LRRIQ1: variants seen among roughly 807,000 people sequenced by gnomAD.
LRRIQ1 encodes the protein leucine-rich repeat- and IQ domain-containing protein 1.
LRRIQ1 carries 210 observed loss-of-function variants against 211.9 expected under a neutral mutation model. The observed-to-expected ratio is 0.99, with a 90% CI of 0.89 to 1.11. The LOEUF (loss-of-function observed/expected upper bound fraction) is 1.11, where lower values mean the gene tolerates loss of function less well. Ranked by LOEUF, LRRIQ1 falls within the 50% of genes most tolerant of loss-of-function variation. The pLI, the probability that LRRIQ1 is intolerant of heterozygous loss-of-function variation, is 0.00. For synonymous variants in LRRIQ1, 699 were observed against 650.1 expected (o/e 1.08, Z -1.14); for missense variants, 2,136 against 1,939.5 (o/e 1.10, Z -1.90).
intron 15 of LRRIQ1, among the ~76,000 whole-genome samples, chr12:85,110,684 A>C (rs1459629842): frequency 6.6e-6 from 1 of 152,156 alleles, no homozygotes; most frequent in East Asian, 1.9e-4. Flanking sequence ...GCACACTTTT[A>C]GTTAAACCTC....
In LRRIQ1 at chr12:85,047,517, T is replaced by C. The variant is rs773123401; in HGVS notation, c.678+47T>C. 7.6e-6 allele frequency: 11 copies of C among 1,451,008 alleles called. No individual in the cohort carries two copies. The South Asian group carries it at 1.2e-4, about 16-fold the overall frequency. 89.9% of individuals were successfully genotyped at this position (1,451,008 alleles called of 1,614,324 possible). A position where few individuals can be genotyped will look rare whatever the true frequency, so the allele number is the denominator to read the frequency against. ...TGTATTTTTAAAATCAGTAGCTACC[T>C]CTGAAGAATATTGATATTTGGATTG... On this transcript the variant is annotated intron_variant, in intron 6 of 26. Transcript: ENST00000393217.
intron 26 of LRRIQ1, among the ~76,000 whole-genome samples, chr12:85,237,801 C>T (rs759539432): frequency 2.6e-5 from 4 of 152,060 alleles, no homozygotes; most frequent in Admixed American, 6.6e-5. Context: ...TAAAAACTGC[C>T]TCTGTTAGAA....
chr12:85,240,880 G>A (rs1286315079), intron 26 of LRRIQ1, among the ~76,000 whole-genome samples: 1 of 152,026 alleles, frequency 6.6e-6, no homozygotes, highest in African/African-American at 2.4e-5. Context: ...GACTATAAAG[G>A]AGAACAACAG....
intron 25 of LRRIQ1, among the ~76,000 whole-genome samples, chr12:85,230,909 C>A (rs1894904891): frequency 6.6e-6 from 1 of 151,980 alleles, no homozygotes; most frequent in South Asian, 2.1e-4. Flanking sequence ...ATTAGCCGGG[C>A]GCGGTAGGGG....
intron 19 of LRRIQ1, among the ~76,000 whole-genome samples, chr12:85,144,346 A>G (rs1378458378): frequency 2.0e-5 from 3 of 151,574 alleles, no homozygotes; most frequent in Non-Finnish European, 4.4e-5. Flanking sequence ...ATTTTATTTG[A>G]GGTAACAGAC....
chr12:85,157,173 T>A lies in LRRIQ1; in HGVS notation c.4720+3079T>A, dbSNP rs140454476. On this transcript the variant is annotated intron_variant, in intron 23 of 26. Transcript: ENST00000393217. Reference sequence around the variant, plus strand: ...AGAGGGAAGAATATGAGGAAGCTCATTTATGAAGAGGCAACAAACTGAGCG... The same window carrying A: ...AGAGGGAAGAATATGAGGAAGCTCAATTATGAAGAGGCAACAAACTGAGCG... 2.3e-3 allele frequency among the ~76,000 whole-genome samples: 348 copies of A among 151,928 alleles called. 3 individuals carry two copies. Among genetic ancestry groups the A allele is most frequent in the African/African-American group, 7.9e-3 (328 of 41,498 alleles).
chr12:85,177,728 G>A (rs1478119583), intron 24 of LRRIQ1, among the ~76,000 whole-genome samples: 1 of 152,068 alleles, frequency 6.6e-6, no homozygotes, highest in African/African-American at 2.4e-5. Context: ...AGGATTGTAA[G>A]CAAAAGATAA....
At position 85,189,401 on chromosome 12, in the gene LRRIQ1, G is replaced by A. The variant is rs192890416; in HGVS notation, c.4822+28687G>A. Among the ~76,000 whole-genome samples, 75 of 152,072 alleles carry A rather than the reference G, an allele frequency of 4.9e-4. No homozygotes were observed. In the East Asian group the frequency reaches 0.013, roughly 26 times the overall value. ...TGTCTGTATTCTTGCCACAGTATGAGCACTAAGGAAATATTCAAATGGAAA... is the reference window on the plus strand; with the variant it reads ...TGTCTGTATTCTTGCCACAGTATGAACACTAAGGAAATATTCAAATGGAAA... On this transcript the variant is annotated intron_variant, in intron 24 of 26. Coordinates refer to ENST00000393217, the MANE Select transcript of LRRIQ1 (RefSeq NM_001079910.2).
chr12:85,174,114 A>T (rs951105407), intron 24 of LRRIQ1, among the ~76,000 whole-genome samples: 2 of 152,084 alleles, frequency 1.3e-5, no homozygotes, highest in Admixed American at 1.3e-4. Flanking sequence ...AAAAAGTAGC[A>T]AGCATAATAA....
intron 11 of LRRIQ1, among the ~76,000 whole-genome samples, chr12:85,085,520 A>G (rs1163206539): frequency 6.6e-6 from 1 of 152,184 alleles, no homozygotes; most frequent in Non-Finnish European, 1.5e-5. Context: ...GGTTTGTTGT[A>G]TGCATAATCC....
At chr12:85,134,388 T>C (rs766370082) in intron 18 of LRRIQ1, among the ~76,000 whole-genome samples, 2 of 152,094 alleles carry the variant, frequency 1.3e-5, no homozygotes, top group Non-Finnish European at 2.9e-5. Context: ...TAGCATACAG[T>C]TTAGTTCCCT....
At chr12:85,061,155 AACATTT>A (rs1881750610) in intron 8 of LRRIQ1, among the ~76,000 whole-genome samples, 1 of 151,758 alleles carries the variant, frequency 6.6e-6, no homozygotes, top group South Asian at 2.1e-4. Flanking sequence ...TATTTTAAGA[AACATTT>A]ACCCAACACC....
At position 85,056,712 on chromosome 12, in the gene LRRIQ1, A is replaced by G. The variant is rs138000456; in HGVS notation, c.1919A>G (p.Lys640Arg). Residue 640 changes from lysine to arginine, a missense_variant, in exon 8 of 27, where the codon AAA becomes AGA. Coordinates refer to ENST00000393217, the MANE Select transcript of LRRIQ1 (RefSeq NM_001079910.2). ...LQEKEIYSKS[K>R]EIEENPKDNA... Reference sequence around the variant, plus strand: ...GAAAAAGAAATTTATTCAAAATCCAAAGAAATTGAGGAGAACCCAAAAGAC... The same window carrying G: ...GAAAAAGAAATTTATTCAAAATCCAGAGAAATTGAGGAGAACCCAAAAGAC... 7.5e-6 allele frequency: 12 copies of G among 1,607,508 alleles called. No individual in the cohort carries two copies. Among genetic ancestry groups the G allele is most frequent in the African/African-American group, 2.7e-5 (2 of 74,414 alleles).
chr12:85,066,948 T>A, intron 10 of LRRIQ1, 50 bp downstream of exon 10: 1 of 1,074,598 alleles, frequency 9.3e-7, no homozygotes, highest in African/African-American at 1.7e-5. Context: ...TCATAATTTA[T>A]TGTGTTTTAT....
At chr12:85,180,742 G>T (rs1891940217) in intron 24 of LRRIQ1, among the ~76,000 whole-genome samples, 2 of 151,762 alleles carry the variant, frequency 1.3e-5, no homozygotes, top group African/African-American at 4.8e-5. Context: ...ATTGAACTTG[G>T]CTATTGCTAT....
chr12:85,077,676 C>G (rs1446958032), intron 11 of LRRIQ1, among the ~76,000 whole-genome samples: 3 of 151,964 alleles, frequency 2.0e-5, no homozygotes, highest in Admixed American at 1.3e-4. Context: ...GGCATGGTGG[C>G]TTACACCTGT....
At chr12:85,192,977 ATATATAAT>A (rs1453229998) in intron 24 of LRRIQ1, among the ~76,000 whole-genome samples, 1 of 87,092 alleles carries the variant, frequency 1.1e-5, no homozygotes, top group Non-Finnish European at 2.0e-5. Flanking sequence ...TTATATATAA[ATATATAAT>A]TATATAATAT....
At position 85,066,901 on chromosome 12, in the gene LRRIQ1, A is replaced by G. The variant is rs774951106; in HGVS notation, c.2695+3A>G. The stretch of plus-strand genomic sequence containing the variant: ...ATATAATAAAATTACTCGAATTGGT[A>G]AGAACAATGAAATTTTAATATTTAA... On this transcript the variant is annotated splice_donor_region_variant and intron_variant, in intron 10 of 26. Coordinates refer to ENST00000393217, the MANE Select transcript of LRRIQ1 (RefSeq NM_001079910.2). 2 of 1,401,464 alleles carry G rather than the reference A, an allele frequency of 1.4e-6. No homozygotes were observed. Among genetic ancestry groups the G allele is most frequent in the East Asian group, 2.5e-5 (1 of 40,652 alleles). 86.8% of individuals were successfully genotyped at this position (1,401,464 alleles called of 1,614,324 possible).
intron 19 of LRRIQ1, among the ~76,000 whole-genome samples, chr12:85,150,542 A>G (rs2136656015): frequency 6.6e-6 from 1 of 151,946 alleles, no homozygotes; most frequent in East Asian, 1.9e-4. Context: ...TTAACAAGCA[A>G]TCAACATAAA....
Sources: allele counts gnomAD v4.1 joint callset (sites outside exome capture counted in the v4.1 genomes callset), GRCh38; gene constraint gnomAD v4.1.1; transcripts MANE v1.5; gene names NCBI Gene and HGNC (gene_info 2026-07-23, HGNC 2026-07-21).